Variants in SNTG2 observed in about 807,000 individuals in gnomAD.
The protein encoded by SNTG2 is syntrophin gamma 2.
Under a neutral mutation model 70.9 loss-of-function variants are expected in SNTG2, and 74 were observed. The ratio of observed to expected loss-of-function variants is 1.04; its 90% CI spans 0.86 to 1.27. SNTG2 has a LOEUF of 1.27. Among genes scored for constraint, SNTG2 ranks in the 50% most tolerant of loss-of-function variants. The pLI is 0.00. For missense variants in SNTG2, 717 were observed against 690.7 expected, an observed-to-expected ratio of 1.04 and a Z score of -0.43; for synonymous variants, 278 against 273.8, an observed-to-expected ratio of 1.02 and a Z score of -0.15.
At chr2:1,309,602 G>A (rs1680880873) in intron 15 of SNTG2, among the ~76,000 whole-genome samples, 1 of 152,244 alleles carries the variant, frequency 6.6e-6, no homozygotes, top group Non-Finnish European at 1.5e-5. Context: ...CCCACACAGG[G>A]CATCTCCAGG....
At chr2:1,118,495 C>T (rs1667180072) in intron 4 of SNTG2, among the ~76,000 whole-genome samples, 1 of 152,052 alleles carries the variant, frequency 6.6e-6, no homozygotes, top group Non-Finnish European at 1.5e-5. Flanking sequence ...TCAGGCCCAT[C>T]TGTATGTGAA....
intron 1 of SNTG2, among the ~76,000 whole-genome samples, chr2:981,675 A>C (rs1220482965): frequency 2.0e-5 from 3 of 152,224 alleles, no homozygotes; most frequent in African/African-American, 7.2e-5. Flanking sequence ...ACAGACCTGC[A>C]TACATGTGAG....
chr2:1,034,107 A>T (rs1023692594), intron 1 of SNTG2, among the ~76,000 whole-genome samples: 30 of 151,592 alleles, frequency 2.0e-4, no homozygotes, highest in African/African-American at 7.3e-4. Context: ...ATCCAGTAGC[A>T]TTTTTTTTCT....
intron 4 of SNTG2, among the ~76,000 whole-genome samples, chr2:1,135,827 C>G (rs1343872605): frequency 6.6e-6 from 1 of 152,192 alleles, no homozygotes; most frequent in Non-Finnish European, 1.5e-5. Context: ...AAAATCAATG[C>G]GTCTAAATGC....
chr2:1,181,173 T>G (rs1671864499), intron 8 of SNTG2, among the ~76,000 whole-genome samples: 1 of 152,084 alleles, frequency 6.6e-6, no homozygotes, highest in Admixed American at 6.6e-5. Context: ...CATATGTAAC[T>G]AACCTGCACA....
chr2:1,139,316 C>T (rs921903581), intron 6 of SNTG2, among the ~76,000 whole-genome samples: 3 of 152,134 alleles, frequency 2.0e-5, no homozygotes, highest in Non-Finnish European at 2.9e-5. Context: ...CCGTAACCTC[C>T]GCCTCCCGGG....
At chr2:1,125,719 C>A (rs558872709) in intron 4 of SNTG2, among the ~76,000 whole-genome samples, 1 of 145,274 alleles carries the variant, frequency 6.9e-6, no homozygotes, top group Admixed American at 6.9e-5. Flanking sequence ...TTAATTTATT[C>A]TCAATTGAGA....
intron 13 of SNTG2, among the ~76,000 whole-genome samples, chr2:1,260,892 T>A (rs879875503): frequency 6.6e-6 from 1 of 152,180 alleles, no homozygotes; most frequent in Non-Finnish European, 1.5e-5. Flanking sequence ...TCCGTGCACC[T>A]GAGATGTTCT....
intron 1 of SNTG2, among the ~76,000 whole-genome samples, chr2:963,730 G>C (rs1660435086): frequency 6.6e-6 from 1 of 152,072 alleles, no homozygotes; most frequent in Non-Finnish European, 1.5e-5. Context: ...ATTGGCTGAA[G>C]ATATTAATAC....
At chr2:1,224,458 G>C (rs540199776) in intron 9 of SNTG2, among the ~76,000 whole-genome samples, 12 of 151,976 alleles carry the variant, frequency 7.9e-5, no homozygotes, top group Non-Finnish European at 4.4e-5. Context: ...TCCCCCTCTC[G>C]CCTCCTCTGC....
chr2:1,239,644 G>C, intron 10 of SNTG2, 94 bp from the exon 11 acceptor site: 3 of 1,344,830 alleles, frequency 2.2e-6, no homozygotes, highest in Non-Finnish European at 3.2e-6. Flanking sequence ...TGTTTCCCAG[G>C]ACAGAGCGTG....
chr2:1,351,689 TTG>T (rs1331813047), intron 16 of SNTG2, among the ~76,000 whole-genome samples: 8 of 152,274 alleles, frequency 5.3e-5, no homozygotes, highest in South Asian at 4.2e-4. Context: ...CTGTCACCAG[TTG>T]TTTCTGCCAT....
chr2:1,259,912 G>A (rs1276330444), intron 13 of SNTG2, among the ~76,000 whole-genome samples: 3 of 152,312 alleles, frequency 2.0e-5, no homozygotes, highest in East Asian at 1.9e-4. Context: ...GGGGCTGCCC[G>A]GAGCCTGGAG....
chr2:1,034,156 C>T (rs1661001532), intron 1 of SNTG2, among the ~76,000 whole-genome samples: 1 of 151,622 alleles, frequency 6.6e-6, no homozygotes, highest in Non-Finnish European at 1.5e-5. Context: ...TTCAAGTGGG[C>T]CCAGTGTCTT....
At chr2:1,126,460 A>G (rs1667704395) in intron 4 of SNTG2, among the ~76,000 whole-genome samples, 1 of 152,224 alleles carries the variant, frequency 6.6e-6, no homozygotes, top group African/African-American at 2.4e-5. Flanking sequence ...GTGCAGATAT[A>G]TCTTTGACAT....
chr2:1,232,395 G>C (rs1171523515), intron 9 of SNTG2, among the ~76,000 whole-genome samples: 1 of 152,056 alleles, frequency 6.6e-6, no homozygotes. Flanking sequence ...CGCCTCCCAG[G>C]TTCAAGGGAT....
chr2:1,014,850 G>C (rs1257399578), intron 1 of SNTG2, among the ~76,000 whole-genome samples: 1 of 152,168 alleles, frequency 6.6e-6, no homozygotes, highest in Non-Finnish European at 1.5e-5. Flanking sequence ...GGCTGCATCA[G>C]CATGAATCTC....
At chr2:1,226,811 A>G (rs1675816966) in intron 9 of SNTG2, among the ~76,000 whole-genome samples, 1 of 152,116 alleles carries the variant, frequency 6.6e-6, no homozygotes, top group Admixed American at 6.5e-5. Context: ...TTTTATTTTT[A>G]TAGACAATAA....
chr2:1,173,360 C>T (rs1671256110), intron 8 of SNTG2, among the ~76,000 whole-genome samples, 177 bp downstream of exon 8: 1 of 152,186 alleles, frequency 6.6e-6, no homozygotes, highest in Non-Finnish European at 1.5e-5. Flanking sequence ...TTTACTCCCA[C>T]GTGGGACACA....
Sources: gnomAD v4.1 joint callset for allele counts (sites outside exome capture counted in the v4.1 genomes callset) on GRCh38, gnomAD v4.1.1 for gene constraint, MANE v1.5 for transcripts, NCBI Gene and HGNC (gene_info 2026-07-23, HGNC 2026-07-21) for gene names.